Variants in EXOC6 observed in about 807,000 individuals in gnomAD.
EXOC6 encodes SEC15-like 1.
Under a neutral mutation model 112.5 loss-of-function variants are expected in EXOC6, and 60 were observed. The observed-to-expected ratio is 0.53, with a 90% CI of 0.43 to 0.66. The LOEUF is 0.66. Among genes scored for constraint, EXOC6 ranks in the 30% least tolerant of loss-of-function variants. EXOC6 has a pLI of 0.00. For synonymous variants in EXOC6, 295 were observed against 308.0 expected (o/e 0.96, Z 0.44); for missense variants, 855 against 957.1 (o/e 0.89, Z 1.41).
At chr10:92,860,767 T>C (rs1181736175) in intron 1 of EXOC6, among the ~76,000 whole-genome samples, 3 of 152,220 alleles carry the variant, frequency 2.0e-5, no homozygotes, top group African/African-American at 7.2e-5. Flanking sequence ...TTTATCCACA[T>C]TGTAGCACAT....
chr10:92,928,271 A>G, intron 8 of EXOC6, 68 bp from the exon 9 acceptor site: 1 of 773,492 alleles, frequency 1.3e-6, no homozygotes, highest in Non-Finnish European at 2.2e-6. Flanking sequence ...CTTGGGGTAA[A>G]GAAGTATCTG....
intron 1 of EXOC6, among the ~76,000 whole-genome samples, chr10:92,886,400 C>G (rs1265157324): frequency 6.6e-6 from 1 of 152,192 alleles, no homozygotes; most frequent in Non-Finnish European, 1.5e-5. Flanking sequence ...TATCATCCCC[C>G]TTTTCTGTCC....
intron 6 of EXOC6, among the ~76,000 whole-genome samples, chr10:92,910,523 C>T (rs1850685496): frequency 6.6e-6 from 1 of 151,832 alleles, no homozygotes; most frequent in South Asian, 2.1e-4. Context: ...TGTTTTATAC[C>T]ATGATAAAAA....
At chr10:92,902,317 GT>G (rs1285083464) in intron 5 of EXOC6, among the ~76,000 whole-genome samples, 2 of 151,576 alleles carry the variant, frequency 1.3e-5, no homozygotes, top group Non-Finnish European at 2.9e-5. Flanking sequence ...TTTTCTTTCT[GT>G]TTTCTTATTT....
At chr10:92,841,227 C>T (rs1364273156) in intron 1 of EXOC6, among the ~76,000 whole-genome samples, 1 of 152,174 alleles carries the variant, frequency 6.6e-6, no homozygotes. Context: ...ATCTATGTCT[C>T]TCCTCAGCCT....
At chr10:93,008,521 A>T (rs972084888) in intron 19 of EXOC6, among the ~76,000 whole-genome samples, 17 of 152,226 alleles carry the variant, frequency 1.1e-4, no homozygotes, top group African/African-American at 3.9e-4. Flanking sequence ...GAATCCCCAA[A>T]ATATGACAAA....
Position 92,915,816 on chromosome 10 carries a change from G to T in EXOC6, c.722G>T (p.Gly241Val). 6.5e-7 allele frequency: 1 copy of T among 1,531,502 alleles called. No individual in the cohort carries two copies. Among genetic ancestry groups the T allele is most frequent in the South Asian group, 1.3e-5 (1 of 76,356 alleles). The allele number at this position is 1,531,502 out of a possible 1,614,324, so 94.9% of individuals were successfully genotyped here. The change falls in exon 7 of 22, where the codon GGG becomes GTG. Residue 241 changes from glycine to valine, a missense_variant. By Grantham distance (109) the Gly-to-Val change is moderately radical. Coordinates refer to ENST00000260762, the MANE Select transcript of EXOC6 (RefSeq NM_019053.6). ...CAGAAACAAAATAAAATGAAATTTGGGAAAAATATGTATATAAATCGTGAT... is the reference window on the plus strand; with the variant it reads ...CAGAAACAAAATAAAATGAAATTTGTGAAAAATATGTATATAAATCGTGAT... The part of the protein sequence containing the change: ...SLQKQNKMKF[G>V]KNMYINRDRI...
At chr10:92,926,427 T>C (rs1333915678) in intron 8 of EXOC6, among the ~76,000 whole-genome samples, 3 of 151,944 alleles carry the variant, frequency 2.0e-5, no homozygotes, top group African/African-American at 7.2e-5. Context: ...TTCTAAATGT[T>C]AAGGAATAAT....
chr10:92,886,947 T>C (rs1849247397), intron 1 of EXOC6, among the ~76,000 whole-genome samples: 1 of 152,200 alleles, frequency 6.6e-6, no homozygotes, highest in Non-Finnish European at 1.5e-5. Context: ...AATAAGTACT[T>C]GGTTGGTTGT....
At chr10:92,839,878 T>C (rs895091390) in intron 1 of EXOC6, among the ~76,000 whole-genome samples, 1 of 152,016 alleles carries the variant, frequency 6.6e-6, no homozygotes, top group African/African-American at 2.4e-5. Context: ...AAGAAGGCCC[T>C]GCAGAGGGCT....
chr10:93,027,118 G>A (rs922746411), intron 20 of EXOC6, among the ~76,000 whole-genome samples: 16 of 152,196 alleles, frequency 1.1e-4, no homozygotes, highest in African/African-American at 3.4e-4. Context: ...GAGAAAGTCC[G>A]AGTGTTCTGG....
At chr10:92,852,006 C>T (rs1847371957) in intron 1 of EXOC6, among the ~76,000 whole-genome samples, 2 of 152,110 alleles carry the variant, frequency 1.3e-5, no homozygotes, top group East Asian at 1.9e-4. Flanking sequence ...GTCGTTAAGG[C>T]TGTAGAGAGC....
chr10:92,890,453 A>G (rs188588787), intron 1 of EXOC6, among the ~76,000 whole-genome samples: 119 of 152,266 alleles, frequency 7.8e-4, no homozygotes, highest in African/African-American at 2.8e-3. Flanking sequence ...GATAGACACT[A>G]TTCTAGGGCT....
intron 19 of EXOC6, among the ~76,000 whole-genome samples, chr10:93,007,253 A>G (rs1844031060): frequency 6.6e-6 from 1 of 150,684 alleles, no homozygotes; most frequent in South Asian, 2.1e-4. Context: ...TTTTGCATAG[A>G]TCCTGAGGGG....
Position 92,860,265 on chromosome 10 carries a change from C to CTT in EXOC6, c.101+11654_101+11655dup, listed in dbSNP as rs35900396. ...CCACCATTATCATCTATCTCCACAA[C>CTT]TTTTTTTTTTTTTTTTTTTTTTTTG... On this transcript the variant is annotated intron_variant, in intron 1 of 21. Transcript: ENST00000260762. Among the ~76,000 whole-genome samples the CTT allele has an allele frequency of 9.0e-3, 792 of 87,998 alleles. 16 individuals are homozygous for CTT. The highest frequency in any genetic ancestry group is 0.015 in the East Asian group (42 of 2,738). 57.7% of individuals were successfully genotyped at this position (87,998 alleles called of 152,430 possible). A position where few individuals can be genotyped will look rare whatever the true frequency, so the allele number is the denominator to read the frequency against.
intron 13 of EXOC6, among the ~76,000 whole-genome samples, chr10:92,946,470 A>C (rs1853015881): frequency 6.6e-6 from 1 of 152,138 alleles, no homozygotes; most frequent in Non-Finnish European, 1.5e-5. Flanking sequence ...GCTTTAATTC[A>C]GATCCTCGTC....
In EXOC6 at chr10:92,906,983, A is replaced by G. The variant is rs553152172; in HGVS notation, c.459-2444A>G. On this transcript the variant is annotated intron_variant, in intron 5 of 21. Coordinates refer to ENST00000260762, the MANE Select transcript of EXOC6 (RefSeq NM_019053.6). ...TGTTTTTGCTTGCATTTAGAAACAGATAAAACATAGGAGATTTGTGGCTAA... is the reference window on the plus strand; with the variant it reads ...TGTTTTTGCTTGCATTTAGAAACAGGTAAAACATAGGAGATTTGTGGCTAA... Among the ~76,000 whole-genome samples, 4 of 152,318 alleles carry G rather than the reference A, an allele frequency of 2.6e-5. No individual in the cohort carries two copies. The South Asian group carries it at 6.2e-4, about 24-fold the overall frequency.
chr10:92,935,190 C>A (rs1404706562), intron 11 of EXOC6, among the ~76,000 whole-genome samples: 1 of 151,856 alleles, frequency 6.6e-6, no homozygotes, highest in African/African-American at 2.4e-5. Context: ...GATACACTAT[C>A]CAATGAACTA....
chr10:92,928,041 T>G (rs1212216028), intron 8 of EXOC6, among the ~76,000 whole-genome samples: 3 of 152,222 alleles, frequency 2.0e-5, no homozygotes, highest in Non-Finnish European at 2.9e-5. Flanking sequence ...TGGGCTTCCC[T>G]CACTGATAGC....
Sources: allele counts gnomAD v4.1 joint callset (sites outside exome capture counted in the v4.1 genomes callset), GRCh38; gene constraint gnomAD v4.1.1; transcripts MANE v1.5; gene names NCBI Gene and HGNC (gene_info 2026-07-23, HGNC 2026-07-21).